TMEM183A: variants seen among roughly 807,000 people sequenced by gnomAD.
TMEM183A encodes the protein transmembrane protein 183A.
Under a neutral mutation model 46.7 loss-of-function variants are expected in TMEM183A, and 21 were observed. The observed-to-expected ratio is 0.45, with a 90% CI of 0.32 to 0.65. The LOEUF (loss-of-function observed/expected upper bound fraction) is 0.65. Among genes scored for constraint, TMEM183A ranks in the 30% least tolerant of loss-of-function variants. TMEM183A has a pLI of 0.04. For missense variants in TMEM183A, 331 were observed against 481.9 expected, an observed-to-expected ratio of 0.69 and a Z score of 2.93; for synonymous variants, 165 against 180.2, an observed-to-expected ratio of 0.92 and a Z score of 0.68.
intron 1 of TMEM183A, 62 bp from the exon 2 acceptor site, chr1:203,007,712 G>T (rs1053952823): frequency 2.5e-6 from 4 of 1,601,848 alleles, no homozygotes; most frequent in Non-Finnish European, 3.4e-6. Flanking sequence ...AGGAGGAGGT[G>T]TTGGCGGGGA....
intron 4 of TMEM183A, 38 bp from the exon 5 acceptor site, chr1:203,015,922 A>G (rs767679609): frequency 6.2e-7 from 1 of 1,600,224 alleles, no homozygotes; most frequent in South Asian, 1.1e-5. Flanking sequence ...CAGGAGAGAC[A>G]GGTCACATAT....
chr1:203,016,702 A>G (rs574877334), intron 5 of TMEM183A, among the ~76,000 whole-genome samples: 2 of 152,350 alleles, frequency 1.3e-5, no homozygotes, highest in Non-Finnish European at 2.9e-5. Context: ...ACCCTGATTC[A>G]TAAACCTTAG....
At position 203,022,913 on chromosome 1, in the gene TMEM183A, A is replaced by G; in HGVS notation, c.1004A>G (p.Asp335Gly). 6.2e-7 allele frequency: 1 copy of G among 1,613,410 alleles called. No individual in the cohort carries two copies. ...RHHRVRLVFQ[D>G]SPVHGGRKLR... ...CATCGAGTGAGACTGGTGTTCCAAG[A>G]TTCCCCTGTCCATGGTGGTCGGAAA... is the stretch of plus-strand genomic sequence containing the variant. Residue 335 changes from aspartate (D) to glycine (G), a missense_variant, in exon 8 of 8, where the codon GAT (aspartate) becomes GGT (glycine). This residue lies in a region of TMEM183A where 233 missense variants were observed against 385.8 expected (regional missense o/e 0.60). Transcript: ENST00000367242.
At position 203,007,858 on chromosome 1, in the gene TMEM183A, A is replaced by G; in HGVS notation, c.194A>G (p.Gln65Arg). Residue 65 changes from glutamine to arginine, a missense_variant, in exon 2 of 8, where the codon CAG becomes CGG. This residue lies in a region of TMEM183A where 98 missense variants were observed against 96.1 expected (regional missense o/e 1.02). Transcript: ENST00000367242. ...AAAGCCGTAGCCAACGCTGTTCAGC[A>G]GGAAGGTAAGCTTTGCGCGAGCCTT... ...VKKAVANAVQ[Q>R]EVKSLCGLEA... 1 of 1,614,134 alleles carries G rather than the reference A, an allele frequency of 6.2e-7. No homozygotes were observed. Among genetic ancestry groups the G allele is most frequent in the Non-Finnish European group, 8.5e-7 (1 of 1,179,954 alleles).
chr1:203,020,981 C>T (rs920102387), intron 7 of TMEM183A, 33 bp downstream of exon 7: 17 of 1,271,972 alleles, frequency 1.3e-5, no homozygotes, highest in South Asian at 1.7e-5. Flanking sequence ...ATTCTCAGCT[C>T]CTTTTTTTTT....
In TMEM183A at chr1:203,016,082, G is replaced by C. The variant is rs1417096022; in HGVS notation, c.650G>C (p.Arg217Pro). Residue 217 changes from arginine (R) to proline (P), a missense_variant, in exon 5 of 8, where the codon CGA becomes CCA. Transcript: ENST00000367242. Reference sequence around the variant, plus strand: ...CATATGTATGAGCCATTTGCTGCTCGAATCTCCAAGAATCCAGCCATTCCA... The same window carrying C: ...CATATGTATGAGCCATTTGCTGCTCCAATCTCCAAGAATCCAGCCATTCCA... ...LYHMYEPFAA[R>P]ISKNPAIPES... The C allele has an allele frequency of 6.2e-7, 1 of 1,614,182 alleles. No homozygotes were observed.
intron 3 of TMEM183A, among the ~76,000 whole-genome samples, chr1:203,009,751 T>G (rs530582131): frequency 1.3e-5 from 2 of 152,172 alleles, no homozygotes; most frequent in Non-Finnish European, 2.9e-5. Context: ...CCCAAAGTGC[T>G]GAGATTACAG....
intron 3 of TMEM183A, among the ~76,000 whole-genome samples, chr1:203,010,490 C>T (rs6427988): frequency 0.011 from 1,690 of 152,242 alleles, 30 homozygotes; most frequent in African/African-American, 0.038. Flanking sequence ...CCAATAAGTA[C>T]GGTCAAGATA....
intron 7 of TMEM183A, among the ~76,000 whole-genome samples, chr1:203,021,371 T>A (rs562780173): frequency 8.5e-5 from 13 of 152,320 alleles, no homozygotes; most frequent in African/African-American, 2.6e-4. Context: ...TGAAGGATAT[T>A]TGTAAATTTA....
chr1:203,007,378 C>A lies in TMEM183A; in HGVS notation c.-88C>A. On this transcript the variant is annotated 5_prime_UTR_variant, in exon 1 of 8. Coordinates refer to ENST00000367242, the MANE Select transcript of TMEM183A (RefSeq NM_138391.6). ...CTCGGAACCCGGACCTATGTTCTCGCGAGAGTTAGCGGCCTCCGGTGTGGG... is the reference window on the plus strand; with the variant it reads ...CTCGGAACCCGGACCTATGTTCTCGAGAGAGTTAGCGGCCTCCGGTGTGGG... 1 of 1,266,848 alleles carries A rather than the reference C, an allele frequency of 7.9e-7. No homozygotes were observed. The highest frequency in any genetic ancestry group is 1.0e-6 in the Non-Finnish European group (1 of 989,110). 78.5% of individuals were successfully genotyped at this position (1,266,848 alleles called of 1,614,324 possible).
rs192189853 is a variant in TMEM183A at position 203,024,173 on chromosome 1, C to T, written c.*1133C>T. The stretch of plus-strand genomic sequence containing the variant: ...ACCATAAGCACTTAGCGACTTTGCT[C>T]TGCCCTGTACTGTGCTGCTTCTGCT... On this transcript the variant is annotated 3_prime_UTR_variant, in exon 8 of 8. Coordinates refer to ENST00000367242, the MANE Select transcript of TMEM183A (RefSeq NM_138391.6). The T allele has an allele frequency of 4.9e-4, 75 of 152,338 alleles. No homozygotes were observed. Among genetic ancestry groups the T allele is most frequent in the African/African-American group, 1.8e-3 (73 of 41,580 alleles). 9.4% of individuals were successfully genotyped at this position (152,338 alleles called of 1,614,324 possible). A position where few individuals can be genotyped will look rare whatever the true frequency, so the allele number is the denominator to read the frequency against.
chr1:203,021,222 G>C (rs995907582), intron 7 of TMEM183A, among the ~76,000 whole-genome samples: 8 of 151,956 alleles, frequency 5.3e-5, no homozygotes, highest in African/African-American at 1.9e-4. Context: ...GTTGCAATGG[G>C]TGTCTCACAG....
intron 3 of TMEM183A, 38 bp downstream of exon 3, chr1:203,008,848 C>A: frequency 6.6e-7 from 1 of 1,526,630 alleles, no homozygotes; most frequent in East Asian, 2.4e-5. Flanking sequence ...TTAGACCTGC[C>A]TGTGGTGACA....
chr1:203,019,530 A>G (rs1360176678), intron 6 of TMEM183A, among the ~76,000 whole-genome samples: 1 of 152,228 alleles, frequency 6.6e-6, no homozygotes, highest in Admixed American at 6.5e-5. Context: ...TGTTAAGAGA[A>G]CATATTAAGA....
Position 203,022,959 on chromosome 1 carries a change from G to A in TMEM183A, c.1050G>A (p.Val350=). ...GGRKLRSEQG[V]QVILDPVHSV... The stretch of plus-strand genomic sequence containing the variant: ...GGAAACTGCGCAGTGAACAGGGTGT[G>A]CAAGTCATCCTGGACCCAGTGCACA... The change falls in exon 8 of 8, where the codon GTG becomes GTA. Residue 350 remains valine (V), a synonymous_variant. Transcript: ENST00000367242. The A allele has an allele frequency of 6.2e-7, 1 of 1,611,292 alleles. No individual in the cohort carries two copies. The highest frequency in any genetic ancestry group is 2.2e-5 in the East Asian group (1 of 44,808).
intron 3 of TMEM183A, 33 bp downstream of exon 3, chr1:203,008,843 C>A (rs1362688003): frequency 6.4e-7 from 1 of 1,559,078 alleles, no homozygotes; most frequent in Non-Finnish European, 8.7e-7. Context: ...GTTTATTAGA[C>A]CTGCCTGTGG....
chr1:203,022,141 TCC>T (rs969014269), intron 7 of TMEM183A, among the ~76,000 whole-genome samples: 9 of 152,098 alleles, frequency 5.9e-5, no homozygotes, highest in African/African-American at 2.2e-4. Flanking sequence ...CAGTCTCGGC[TCC>T]CTGCAACCTC....
chr1:203,007,994 A>G lies in TMEM183A; in HGVS notation c.199+131A>G. 3 of 1,104,398 alleles carry G rather than the reference A, an allele frequency of 2.7e-6. No homozygotes were observed. The South Asian group carries it at 4.8e-5, about 18-fold the overall frequency. 68.4% of individuals were successfully genotyped at this position (1,104,398 alleles called of 1,614,324 possible). A position where few individuals can be genotyped will look rare whatever the true frequency, so the allele number is the denominator to read the frequency against. On this transcript the variant is annotated intron_variant, in intron 2 of 7. Coordinates refer to ENST00000367242, the MANE Select transcript of TMEM183A (RefSeq NM_138391.6). ...TGCTTTCGTTAGTGTTAACTTACAT[A>G]TTGGGGTGGAGGAGGATTAGTCAAG...
intron 1 of TMEM183A, 80 bp from the exon 2 acceptor site, chr1:203,007,694 C>G: frequency 1.3e-6 from 2 of 1,587,456 alleles, no homozygotes; most frequent in Non-Finnish European, 8.6e-7. Flanking sequence ...GTCCGGGGGC[C>G]TGCAGCGAGG....
Sources: gnomAD v4.1 joint callset for allele counts (sites outside exome capture counted in the v4.1 genomes callset) on GRCh38, gnomAD v4.1.1 for gene constraint, gnomAD v4.1.1 regional missense constraint, MANE v1.5 for transcripts, NCBI Gene and HGNC (gene_info 2026-07-23, HGNC 2026-07-21) for gene names.